Variants in DCDC1 observed in about 807,000 individuals in gnomAD.
The protein encoded by DCDC1 is doublecortin domain-containing protein 1.
In DCDC1, 200 loss-of-function variants were observed where a neutral mutation model predicts 178.3. That is an observed-to-expected ratio of 1.12 (90% CI 1.00 to 1.26). The LOEUF (loss-of-function observed/expected upper bound fraction) is 1.26, where lower values mean the gene tolerates loss of function less well. DCDC1 is among the 50% of genes most tolerant of loss of function. The probability of loss-of-function intolerance (pLI) is 0.00; values close to 1 mark genes in which losing one functional copy is unlikely to be tolerated. For missense variants in DCDC1, 1,983 were observed against 1,749.2 expected (o/e 1.13, Z -2.38); for synonymous variants, 690 against 604.8 (o/e 1.14, Z -2.07).
At chr11:31,178,569 C>T (rs1415874387) in intron 9 of DCDC1, among the ~76,000 whole-genome samples, 1 of 152,048 alleles carries the variant, frequency 6.6e-6, no homozygotes, top group African/African-American at 2.4e-5. Flanking sequence ...AAACTGTTAA[C>T]AAAATGAAGA....
At chr11:31,027,475 G>T (rs1480983639) in intron 20 of DCDC1, among the ~76,000 whole-genome samples, 2 of 151,800 alleles carry the variant, frequency 1.3e-5, no homozygotes, top group Non-Finnish European at 3.0e-5. Context: ...TTTCCAGGGG[G>T]TCAGAATGTA....
chr11:31,225,474 T>A (rs974756512), intron 9 of DCDC1, among the ~76,000 whole-genome samples: 2 of 151,508 alleles, frequency 1.3e-5, no homozygotes, highest in Admixed American at 1.3e-4. Context: ...ACTCAAGAAC[T>A]TATCCATGTA....
chr11:31,220,833 G>A (rs898980152), intron 9 of DCDC1, among the ~76,000 whole-genome samples: 3 of 152,122 alleles, frequency 2.0e-5, no homozygotes, highest in Admixed American at 6.6e-5. Context: ...ATCAGAGTGC[G>A]AGTATGGTCA....
At chr11:31,287,820 C>T (rs890590351) in intron 7 of DCDC1, among the ~76,000 whole-genome samples, 4 of 150,840 alleles carry the variant, frequency 2.7e-5, no homozygotes, top group African/African-American at 9.7e-5. Context: ...AGAGAGAGAA[C>T]GATAACTCCC....
Position 31,328,651 on chromosome 11 carries a change from T to A in DCDC1, c.-6-365A>T, listed in dbSNP as rs551721331. 7.5e-3 allele frequency among the ~76,000 whole-genome samples: 1,136 copies of A among 151,504 alleles called. 20 individuals carry two copies. The highest frequency in any genetic ancestry group is 0.026 in the African/African-American group (1,074 of 41,272). ...GTCTCTACTAAAAATACAAAATAAATAAATAAATTAGCCGGGTGTGGTGGT... is the reference window on the plus strand; with the variant it reads ...GTCTCTACTAAAAATACAAAATAAAAAAATAAATTAGCCGGGTGTGGTGGT... On this transcript the variant is annotated intron_variant, in intron 2 of 38. Coordinates refer to ENST00000684477, the MANE Select transcript of DCDC1 (RefSeq NM_001387274.1).
intron 20 of DCDC1, among the ~76,000 whole-genome samples, chr11:31,014,441 A>G (rs1480868806): frequency 6.6e-6 from 1 of 152,144 alleles, no homozygotes; most frequent in African/African-American, 2.4e-5. Context: ...AAGCATTCAG[A>G]TGACAGAAAC....
At chr11:31,138,798 G>A (rs1963470928) in intron 9 of DCDC1, among the ~76,000 whole-genome samples, 1 of 152,058 alleles carries the variant, frequency 6.6e-6, no homozygotes, top group African/African-American at 2.4e-5. Flanking sequence ...AGGAAGGGAG[G>A]TTCAAAAATA....
intron 21 of DCDC1, among the ~76,000 whole-genome samples, chr11:30,951,118 A>C (rs1948393620): frequency 6.6e-6 from 1 of 152,134 alleles, no homozygotes; most frequent in African/African-American, 2.4e-5. Context: ...CAAGATGCCA[A>C]TCCACAGATT....
Position 30,888,106 on chromosome 11 carries a change from G to GAAAGAAAGAAAGAAAGAAAGAA in DCDC1, c.5082+4690_5082+4711dup, listed in dbSNP as rs1943412938. Among the ~76,000 whole-genome samples, 25 of 84,902 alleles carry GAAAGAAAGAAAGAAAGAAAGAA rather than the reference G, an allele frequency of 2.9e-4. No individual in the cohort carries two copies. The South Asian group carries it at 4.0e-3, about 13-fold the overall frequency. The allele number at this position is 84,902 out of a possible 152,430, so 55.7% of individuals were successfully genotyped here. A position where few individuals can be genotyped will look rare whatever the true frequency, so the allele number is the denominator to read the frequency against. On this transcript the variant is annotated intron_variant, in intron 36 of 38. Transcript: ENST00000684477. ...AGAGAAAGAAAGAAAGAAAAAGAAA[G>GAAAGAAAGAAAGAAAGAAAGAA]AAAGAAAGAAAGAAAGAAAGAAAGA...
intron 7 of DCDC1, among the ~76,000 whole-genome samples, chr11:31,269,953 C>T (rs1464486896): frequency 2.0e-5 from 3 of 152,130 alleles, no homozygotes; most frequent in Non-Finnish European, 4.4e-5. Context: ...CCAACATCAC[C>T]GTAGGTCATA....
At chr11:30,956,237 T>C (rs991988046) in intron 20 of DCDC1, among the ~76,000 whole-genome samples, 4 of 152,210 alleles carry the variant, frequency 2.6e-5, no homozygotes, top group African/African-American at 7.2e-5. Context: ...GGTGTAGCTA[T>C]GTTGCCCATG....
chr11:31,231,644 C>T (rs1442315655), intron 9 of DCDC1, among the ~76,000 whole-genome samples: 1 of 152,012 alleles, frequency 6.6e-6, no homozygotes, highest in Non-Finnish European at 1.5e-5. Flanking sequence ...GGGGAACAAC[C>T]CCAATTGTTA....
At chr11:30,895,124 T>C (rs1021128180) in intron 34 of DCDC1, among the ~76,000 whole-genome samples, 20 of 152,222 alleles carry the variant, frequency 1.3e-4, no homozygotes, top group Non-Finnish European at 4.4e-5. Context: ...ACATTTCATA[T>C]TGATCTCTAA....
intron 9 of DCDC1, among the ~76,000 whole-genome samples, chr11:31,234,336 T>C (rs987989158): frequency 1.2e-4 from 19 of 152,228 alleles, no homozygotes; most frequent in Non-Finnish European, 2.5e-4. Context: ...GAGCAAAGAA[T>C]GAATTTTATT....
intron 34 of DCDC1, among the ~76,000 whole-genome samples, chr11:30,899,141 A>C (rs891517087): frequency 6.9e-6 from 1 of 144,528 alleles, no homozygotes; most frequent in South Asian, 2.2e-4. Flanking sequence ...ACAAAAAAAC[A>C]AAAAAAAAAA....
intron 11 of DCDC1, among the ~76,000 whole-genome samples, chr11:31,117,600 G>A (rs1035391828): frequency 1.3e-5 from 2 of 151,420 alleles, no homozygotes; most frequent in African/African-American, 4.9e-5. Flanking sequence ...TTCCTTCCTT[G>A]TAAGTATCTA....
At chr11:31,321,800 G>A (rs1949376940) in intron 3 of DCDC1, among the ~76,000 whole-genome samples, 1 of 152,050 alleles carries the variant, frequency 6.6e-6, no homozygotes, top group Non-Finnish European at 1.5e-5. Flanking sequence ...ACATTTTCTA[G>A]AAACTCTTTC....
intron 8 of DCDC1, among the ~76,000 whole-genome samples, chr11:31,256,597 A>T (rs2137032638): frequency 6.6e-6 from 1 of 152,304 alleles, no homozygotes; most frequent in Non-Finnish European, 1.5e-5. Flanking sequence ...TTTTACATGC[A>T]AGGGCTATGT....
intron 17 of DCDC1, among the ~76,000 whole-genome samples, chr11:31,090,773 G>A (rs887036777): frequency 3.9e-5 from 6 of 152,060 alleles, no homozygotes; most frequent in African/African-American, 1.4e-4. Flanking sequence ...GGCTTTTTAA[G>A]TCCTGAGGTA....
Sources: gnomAD v4.1 joint callset for allele counts (sites outside exome capture counted in the v4.1 genomes callset) on GRCh38, gnomAD v4.1.1 for gene constraint, MANE v1.5 for transcripts, NCBI Gene and HGNC (gene_info 2026-07-23, HGNC 2026-07-21) for gene names.